EFCAB7: variants seen among roughly 807,000 people sequenced by gnomAD.
EFCAB7 encodes EF-hand calcium binding domain 7.
EFCAB7 carries 66 observed loss-of-function variants against 77.1 expected under a neutral mutation model. The ratio of observed to expected loss-of-function variants is 0.86; its 90% CI spans 0.70 to 1.05. EFCAB7 has a LOEUF of 1.05. EFCAB7 is among the 50% of genes least tolerant of loss of function. The probability of loss-of-function intolerance (pLI) is 0.00; values close to 1 mark genes in which losing one functional copy is unlikely to be tolerated. For missense variants in EFCAB7, 638 were observed against 730.5 expected, an observed-to-expected ratio of 0.87 and a Z score of 1.46; for synonymous variants, 225 against 243.3, an observed-to-expected ratio of 0.92 and a Z score of 0.70.
rs1288683313 is a variant in EFCAB7 at position 63,543,061 on chromosome 1, T to TA, written c.805-2854dup. ...CAGCTTTCCCCCTATGTTTTCTTCT[T>TA]AGAGTTTTATAATTTTAGCATATTT... On this transcript the variant is annotated intron_variant, in intron 6 of 13. Coordinates refer to ENST00000371088, the MANE Select transcript of EFCAB7 (RefSeq NM_032437.4). Among the ~76,000 whole-genome samples the TA allele has an allele frequency of 3.3e-5, 5 of 152,194 alleles. No homozygotes were observed. In the East Asian group the frequency reaches 9.6e-4, roughly 29 times the overall value.
chr1:63,575,116 A>G (rs1647374852), downstream of EFCAB7, among the ~76,000 whole-genome samples: 5 of 152,198 alleles, frequency 3.3e-5, no homozygotes, highest in Admixed American at 3.3e-4. Context: ...TCTAACATGC[A>G]GTTTTAAATT....
At chr1:63,577,627 A>T (rs577989697), downstream of EFCAB7, among the ~76,000 whole-genome samples, 8 of 152,380 alleles carry the variant, frequency 5.3e-5, no homozygotes, top group African/African-American at 1.9e-4. Flanking sequence ...AATAGTACAC[A>T]GGGACATCCA....
At chr1:63,545,774 T>C in intron 6 of EFCAB7, 142 bp from the exon 7 acceptor site, 1 of 728,716 alleles carries the variant, frequency 1.4e-6, no homozygotes, top group Non-Finnish European at 2.3e-6. Context: ...GTTTTCTACC[T>C]CCTAACTATG....
chr1:63,581,570 CTTAA>C, the EFCAB7 span, among the ~76,000 whole-genome samples: 1 of 152,086 alleles, frequency 6.6e-6, no homozygotes, highest in African/African-American at 2.4e-5. Flanking sequence ...ATAAATTCCA[CTTAA>C]TTGTGATATG....
At chr1:63,560,806 GCCA>G (rs1647090355) in intron 10 of EFCAB7, among the ~76,000 whole-genome samples, 1 of 152,158 alleles carries the variant, frequency 6.6e-6, no homozygotes, top group Non-Finnish European at 1.5e-5. Context: ...ACAGGCGTGA[GCCA>G]CCGTGCCCGG....
rs763745976 is a variant in EFCAB7, at chr1:63,568,418, G to A, written c.1606G>A (p.Val536Ile). The stretch of plus-strand genomic sequence containing the variant: ...ACTTGAGAAGGCCATTTGTAAATCT[G>A]TTCTTAGCAACGGTGATGCCAAAGT... ...GQLEKAICKS[V>I]LSNGDAKVMD... Residue 536 changes from valine (V) to isoleucine (I), a missense_variant, in exon 12 of 14, where the codon GTT becomes ATT. Coordinates refer to ENST00000371088, the MANE Select transcript of EFCAB7 (RefSeq NM_032437.4). The A allele has an allele frequency of 1.9e-6, 3 of 1,585,896 alleles. No homozygotes were observed. The African/African-American group carries it at 4.1e-5, about 22-fold the overall frequency.
intron 6 of EFCAB7, among the ~76,000 whole-genome samples, chr1:63,540,822 A>G (rs1646819373): frequency 6.6e-6 from 1 of 151,980 alleles, no homozygotes; most frequent in African/African-American, 2.4e-5. Context: ...AAGCTTGAGT[A>G]TAGTTCAGTT....
chr1:63,545,690 G>A (rs1231123250), intron 6 of EFCAB7, among the ~76,000 whole-genome samples: 1 of 151,392 alleles, frequency 6.6e-6, no homozygotes. Context: ...ATCCGCCCAC[G>A]TTGGCCTCCC....
Position 63,557,522 on chromosome 1 carries a change from T to G in EFCAB7, c.1348+275T>G, listed in dbSNP as rs546029228. 2.0e-5 allele frequency among the ~76,000 whole-genome samples: 3 copies of G among 152,332 alleles called. No homozygotes were observed. In the South Asian group the frequency reaches 6.2e-4, roughly 32 times the overall value. On this transcript the variant is annotated intron_variant, in intron 10 of 13. Transcript: ENST00000371088. ...CTTCGGGGTTTAGAAGACAAAAAAC[T>G]TGTCCTTGCGCTTGATACCACTGGG...
downstream of EFCAB7, among the ~76,000 whole-genome samples, chr1:63,577,239 A>G (rs1325241330): frequency 1.3e-5 from 2 of 152,132 alleles, no homozygotes; most frequent in African/African-American, 2.4e-5. Context: ...GAGTTGGAGT[A>G]TGGTTCCATT....
At position 63,568,337 on chromosome 1, in the gene EFCAB7, G is replaced by T; in HGVS notation, c.1525G>T (p.Ala509Ser). The T allele has an allele frequency of 6.2e-7, 1 of 1,601,502 alleles. No individual in the cohort carries two copies. Among genetic ancestry groups the T allele is most frequent in the Non-Finnish European group, 8.5e-7 (1 of 1,176,098 alleles). The change falls in exon 12 of 14, where the codon GCA (alanine) becomes TCA (serine). Residue 509 changes from alanine (A) to serine (S), a missense_variant. Transcript: ENST00000371088. ...EACPFVIDIY[A>S]EKCKPKIKAV... ...ATGTCCATTTGTCATTGATATCTAT[G>T]CAGAAAAATGCAAGCCAAAAATTAA...
At chr1:63,531,310 C>T (rs541694353) in intron 2 of EFCAB7, among the ~76,000 whole-genome samples, 1 of 146,334 alleles carries the variant, frequency 6.8e-6, no homozygotes, top group South Asian at 2.2e-4. Context: ...GCTTATTTCA[C>T]TTAACATGTT....
Position 63,533,557 on chromosome 1 carries a change from T to C in EFCAB7, c.590T>C (p.Ile197Thr), listed in dbSNP as rs368888591. 13 of 1,613,040 alleles carry C rather than the reference T, an allele frequency of 8.1e-6. No individual in the cohort carries two copies. The African/African-American group carries it at 1.5e-4, about 18-fold the overall frequency. Residue 197 changes from isoleucine to threonine, a missense_variant, in exon 5 of 14, where the codon ATC becomes ACC. Physicochemically the swap from Ile to Thr is moderately conservative, Grantham distance 89. Transcript: ENST00000371088. ...KLMRHQFGNH[I>T]EGSPERDPSP... ...ATGCGTCACCAGTTTGGAAACCACATCGAAGGGTCCCCTGAAAGGGACCCA... is the reference window on the plus strand; with the variant it reads ...ATGCGTCACCAGTTTGGAAACCACACCGAAGGGTCCCCTGAAAGGGACCCA...
chr1:63,570,136 G>C (rs1647220163), intron 12 of EFCAB7: 1 of 152,186 alleles, frequency 6.6e-6, no homozygotes, highest in Non-Finnish European at 1.5e-5. Flanking sequence ...CTGAAGCACA[G>C]AGCAGTTAAA....
intron 11 of EFCAB7, among the ~76,000 whole-genome samples, chr1:63,565,818 T>C (rs1018198010): frequency 3.9e-5 from 6 of 152,178 alleles, no homozygotes; most frequent in Admixed American, 2.0e-4. Flanking sequence ...TTCACACCTG[T>C]CCAAATGGCT....
At chr1:63,581,784 A>G in the EFCAB7 span, among the ~76,000 whole-genome samples, 1 of 152,334 alleles carries the variant, frequency 6.6e-6, no homozygotes, top group Admixed American at 6.5e-5. Context: ...AAAGTTAGGT[A>G]TGTCATGAAT....
At chr1:63,576,670 TA>T (rs113046016), downstream of EFCAB7, among the ~76,000 whole-genome samples, 7,690 of 137,896 alleles carry the variant, frequency 0.056, 692 homozygotes, top group African/African-American at 0.19. Flanking sequence ...AAAATAAAAT[TA>T]AAAAAAAAAA....
chr1:63,574,922 C>T (rs944977218), downstream of EFCAB7, among the ~76,000 whole-genome samples: 2 of 152,116 alleles, frequency 1.3e-5, no homozygotes. Flanking sequence ...ACTATATTCT[C>T]TCTTGGAAGG....
chr1:63,543,145 C>A (rs892425876), intron 6 of EFCAB7, among the ~76,000 whole-genome samples: 3 of 152,138 alleles, frequency 2.0e-5, no homozygotes, highest in Admixed American at 6.5e-5. Flanking sequence ...CAAATTTATT[C>A]TTTTGCAGAT....
Sources: allele counts gnomAD v4.1 joint callset (sites outside exome capture counted in the v4.1 genomes callset), GRCh38; gene constraint gnomAD v4.1.1; transcripts MANE v1.5; gene names NCBI Gene and HGNC (gene_info 2026-07-23, HGNC 2026-07-21).